MEF2A: variants seen among roughly 807,000 people sequenced by gnomAD.
MEF2A encodes the protein myocyte enhancer factor 2A.
MEF2A carries 28 observed loss-of-function variants against 55.8 expected under a neutral mutation model. That is an observed-to-expected ratio of 0.50 (90% CI 0.37 to 0.69). MEF2A has a LOEUF of 0.69. Ranked by LOEUF, MEF2A falls within the 30% of genes least tolerant of loss-of-function variation. MEF2A has a pLI of 0.00. For synonymous variants in MEF2A, 239 were observed against 227.1 expected (o/e 1.05, Z -0.47); for missense variants, 528 against 626.2 (o/e 0.84, Z 1.67).
At chr15:99,679,618 G>A (rs963688763) in intron 7 of MEF2A, among the ~76,000 whole-genome samples, 2 of 152,104 alleles carry the variant, frequency 1.3e-5, no homozygotes, top group Admixed American at 1.3e-4. Flanking sequence ...TGGGACTCTC[G>A]GAATATTTTA....
intron 2 of MEF2A, among the ~76,000 whole-genome samples, chr15:99,624,581 T>C (rs1238936428): frequency 1.3e-5 from 2 of 152,216 alleles, no homozygotes; most frequent in Non-Finnish European, 2.9e-5. Context: ...TACTGTAGCA[T>C]TATAGTAAAT....
At chr15:99,664,041 A>T (rs1281795764) in intron 4 of MEF2A, among the ~76,000 whole-genome samples, 1 of 152,224 alleles carries the variant, frequency 6.6e-6, no homozygotes, top group Non-Finnish European at 1.5e-5. Context: ...GTTGGGGTAG[A>T]TACCATTGTT....
intron 2 of MEF2A, among the ~76,000 whole-genome samples, chr15:99,604,653 C>G (rs1188249916): frequency 6.7e-6 from 1 of 148,732 alleles, no homozygotes; most frequent in Non-Finnish European, 1.5e-5. Flanking sequence ...TTCTCATTCC[C>G]TATAATGTTT....
At chr15:99,691,945 G>A (rs1181039098) in intron 8 of MEF2A, among the ~76,000 whole-genome samples, 2 of 151,842 alleles carry the variant, frequency 1.3e-5, no homozygotes, top group East Asian at 1.9e-4. Context: ...TCTATTTATC[G>A]CCCTTAGCTT....
At chr15:99,572,554 G>A (rs1490561796) in intron 1 of MEF2A, among the ~76,000 whole-genome samples, 1 of 152,192 alleles carries the variant, frequency 6.6e-6, no homozygotes, top group Non-Finnish European at 1.5e-5. Flanking sequence ...CTTACTCTTA[G>A]CTGTATCCCC....
At chr15:99,571,852 A>G (rs547692396) in intron 1 of MEF2A, among the ~76,000 whole-genome samples, 10 of 152,186 alleles carry the variant, frequency 6.6e-5, no homozygotes, top group African/African-American at 1.9e-4. Flanking sequence ...CTTAAGTCCA[A>G]TCCATCCCCA....
intron 7 of MEF2A, among the ~76,000 whole-genome samples, chr15:99,677,519 T>G (rs2052365256): frequency 6.6e-6 from 1 of 152,002 alleles, no homozygotes; most frequent in Non-Finnish European, 1.5e-5. Flanking sequence ...AGAAGAAAAT[T>G]ATCCAGAATT....
rs751976825 is a variant in MEF2A, at chr15:99,674,381, C to A, written c.391-12C>A. On this transcript the variant is annotated splice_polypyrimidine_tract_variant and intron_variant, in intron 5 of 11. Coordinates refer to ENST00000557942, the MANE Select transcript of MEF2A (RefSeq NM_001319206.4). ...AACCAACAGTTTTTTCCTTCTTTTTCTTTATTTACAGCCTGGTCTGCCACC... is the reference window on the plus strand; with the variant it reads ...AACCAACAGTTTTTTCCTTCTTTTTATTTATTTACAGCCTGGTCTGCCACC... The A allele has an allele frequency of 1.1e-5, 17 of 1,573,494 alleles. No homozygotes were observed. Among genetic ancestry groups the A allele is most frequent in the Non-Finnish European group, 1.4e-5 (16 of 1,157,618 alleles).
At chr15:99,595,632 C>G (rs1266368111) in intron 1 of MEF2A, among the ~76,000 whole-genome samples, 1 of 152,102 alleles carries the variant, frequency 6.6e-6, no homozygotes, top group Non-Finnish European at 1.5e-5. Flanking sequence ...TACAAAGTTC[C>G]TTCTTTTAAA....
At chr15:99,639,713 A>G (rs967231968) in intron 3 of MEF2A, among the ~76,000 whole-genome samples, 4 of 152,152 alleles carry the variant, frequency 2.6e-5, no homozygotes, top group Admixed American at 6.5e-5. Context: ...ATTTGCCCAT[A>G]TACTTTGCCT....
intron 1 of MEF2A, among the ~76,000 whole-genome samples, chr15:99,577,947 A>C (rs1964811345): frequency 6.6e-6 from 1 of 152,166 alleles, no homozygotes; most frequent in Non-Finnish European, 1.5e-5. Context: ...TGTTTATATC[A>C]GGGGCTACAG....
intron 4 of MEF2A, among the ~76,000 whole-genome samples, chr15:99,666,672 T>C (rs2049830126): frequency 6.6e-6 from 1 of 151,792 alleles, no homozygotes; most frequent in South Asian, 2.1e-4. Flanking sequence ...TAGGTAAAAC[T>C]GGTTTAATTA....
chr15:99,602,653 GGTGTGTGTGTGTGTGTGTGT>G (rs773502316), intron 2 of MEF2A, among the ~76,000 whole-genome samples: 9 of 44,866 alleles, frequency 2.0e-4, no homozygotes, highest in East Asian at 8.7e-4. Context: ...ACATTCCTGG[GGTGTGTGTGTGTGTGTGTGT>G]GTGTGTGTGT....
chr15:99,698,145 A>C (rs1372691444), intron 8 of MEF2A, among the ~76,000 whole-genome samples: 7 of 152,210 alleles, frequency 4.6e-5, no homozygotes, highest in African/African-American at 7.2e-5. Context: ...AAAATCCAAC[A>C]CAAAAAGCAG....
rs139226569 is a variant in MEF2A at position 99,645,433 on chromosome 15, G to A, written c.55-128G>A. The stretch of plus-strand genomic sequence containing the variant: ...CAGGAGAGGGAAGGCTCATATGGAG[G>A]ACAAAGCTGGGAACCTTTTCCATCT... On this transcript the variant is annotated intron_variant, in intron 3 of 11. Coordinates refer to ENST00000557942, the MANE Select transcript of MEF2A (RefSeq NM_001319206.4). 9.7e-4 allele frequency: 659 copies of A among 678,514 alleles called. 7 individuals are homozygous for A. In the African/African-American group the frequency reaches 0.01, roughly 11 times the overall value. 42.0% of individuals were successfully genotyped at this position (678,514 alleles called of 1,614,324 possible).
intron 1 of MEF2A, among the ~76,000 whole-genome samples, chr15:99,587,459 T>C (rs543777343): frequency 1.3e-5 from 2 of 152,328 alleles, no homozygotes; most frequent in Admixed American, 6.5e-5. Flanking sequence ...TTTAGTTTTT[T>C]TGTCAATCTT....
intron 8 of MEF2A, among the ~76,000 whole-genome samples, chr15:99,691,268 T>A (rs958325372): frequency 1.3e-5 from 2 of 151,986 alleles, no homozygotes; most frequent in Non-Finnish European, 2.9e-5. Flanking sequence ...TACAGAGAGA[T>A]TATTATGTTT....
rs372479689 is a variant in MEF2A at position 99,706,812 on chromosome 15, G to A, written c.966G>A (p.Pro322=). The change falls in exon 10 of 12, where the codon CCG becomes CCA. Residue 322 remains proline (P), a synonymous_variant. Coordinates refer to ENST00000557942, the MANE Select transcript of MEF2A (RefSeq NM_001319206.4). ...CTGTGACAACCCCAAGCTTGCCTCC[G>A]CAAGGACTTGTGTACTCAGCAATGC... ...VVSVTTPSLP[P]QGLVYSAMPT... 2.8e-4 allele frequency: 451 copies of A among 1,613,956 alleles called. 8 individuals are homozygous for A. The South Asian group carries it at 3.9e-3, about 14-fold the overall frequency.
At chr15:99,696,254 A>G (rs1197079296) in intron 8 of MEF2A, among the ~76,000 whole-genome samples, 2 of 152,226 alleles carry the variant, frequency 1.3e-5, no homozygotes, top group African/African-American at 2.4e-5. Flanking sequence ...CACTCGACCA[A>G]CATGACCTAA....
Sources: gnomAD v4.1 joint callset for allele counts (sites outside exome capture counted in the v4.1 genomes callset) on GRCh38, gnomAD v4.1.1 for gene constraint, MANE v1.5 for transcripts, NCBI Gene and HGNC (gene_info 2026-07-23, HGNC 2026-07-21) for gene names.